The following BCAS3 variants were observed in gnomAD, a reference collection of about 807,000 sequenced individuals.
BCAS3 encodes the protein BCAS3 microtubule associated cell migration factor.
In BCAS3, 53 loss-of-function variants were observed where a neutral mutation model predicts 116.1. The observed-to-expected ratio is 0.46, with a 90% confidence interval of 0.37 to 0.57. BCAS3 has a LOEUF of 0.57. Among genes scored for constraint, BCAS3 ranks in the 20% least tolerant of loss-of-function variants. The pLI is 0.00. For missense variants in BCAS3, 917 were observed against 1,165.4 expected, an observed-to-expected ratio of 0.79 and a Z score of 3.10; for synonymous variants, 391 against 408.2, an observed-to-expected ratio of 0.96 and a Z score of 0.51.
At chr17:61,127,846 A>AT (rs1461778236) in intron 22 of BCAS3, among the ~76,000 whole-genome samples, 1 of 151,518 alleles carries the variant, frequency 6.6e-6, no homozygotes, top group Non-Finnish European at 1.5e-5. Context: ...GTTGGGTGAT[A>AT]TAAAAAAAAA....
At chr17:60,772,948 A>G (rs1055932143) in intron 6 of BCAS3, among the ~76,000 whole-genome samples, 1 of 152,200 alleles carries the variant, frequency 6.6e-6, no homozygotes, top group African/African-American at 2.4e-5. Flanking sequence ...AAATTTGAAA[A>G]TGAGTCTTCA....
At chr17:60,828,847 G>A (rs150170097) in intron 7 of BCAS3, among the ~76,000 whole-genome samples, 94 of 152,168 alleles carry the variant, frequency 6.2e-4, no homozygotes, top group Non-Finnish European at 1.2e-3. Flanking sequence ...CTTAACTGAG[G>A]GAAAAAAGGT....
intron 22 of BCAS3, among the ~76,000 whole-genome samples, chr17:61,291,939 G>A (rs80203993): frequency 0.061 from 9,285 of 152,170 alleles, 303 homozygotes; most frequent in African/African-American, 0.097. Flanking sequence ...GAAGAGGGTG[G>A]GAGGATTGCA....
At chr17:60,839,006 G>A (rs1034929720) in intron 7 of BCAS3, among the ~76,000 whole-genome samples, 2 of 152,128 alleles carry the variant, frequency 1.3e-5, no homozygotes, top group African/African-American at 4.8e-5. Context: ...TTTTAGTGGA[G>A]GAAGACTGTG....
intron 15 of BCAS3, among the ~76,000 whole-genome samples, chr17:61,014,563 C>CA (rs111782880): frequency 0.03 from 4,562 of 151,220 alleles, 235 homozygotes; most frequent in African/African-American, 0.1. Flanking sequence ...ACTACATACA[C>CA]AAAAATGAAC....
Position 61,171,468 on chromosome 17 carries a change from T to C in BCAS3, c.2425+86904T>C, listed in dbSNP as rs4968428. On this transcript the variant is annotated intron_variant, in intron 22 of 23. Transcript: ENST00000407086. This position sits in a 1 kb window ranked among gnomAD's most constrained non-coding sequence, Gnocchi z 4.1. ...TATCAAAAGTCATATTGAATGTAAATGGTCTAAACACTCAATTAAAAGACA... is the reference window on the plus strand; with the variant it reads ...TATCAAAAGTCATATTGAATGTAAACGGTCTAAACACTCAATTAAAAGACA... Among the ~76,000 whole-genome samples, 93,424 of 152,048 alleles carry C rather than the reference T, an allele frequency of 0.61. 34,318 individuals carry two copies. The highest frequency in any genetic ancestry group is 0.85 in the South Asian group (4,107 of 4,826).
intron 22 of BCAS3, among the ~76,000 whole-genome samples, chr17:61,329,339 TA>T (rs1302781744): frequency 2.8e-4 from 30 of 106,568 alleles, no homozygotes; most frequent in East Asian, 1.6e-3. Context: ...TTATTATTAT[TA>T]TTATTTTTTT....
chr17:61,010,801 G>A (rs755327789), intron 15 of BCAS3, among the ~76,000 whole-genome samples: 9 of 151,942 alleles, frequency 5.9e-5, no homozygotes, highest in Admixed American at 1.3e-4. Context: ...CGTGGGGACT[G>A]GTAAACCTCT....
chr17:60,976,554 G>C (rs2062392038), intron 14 of BCAS3, among the ~76,000 whole-genome samples: 1 of 152,120 alleles, frequency 6.6e-6, no homozygotes, highest in Non-Finnish European at 1.5e-5. Context: ...GTGAACAAAG[G>C]TCTCTGGTTT....
rs996415161 is a variant in BCAS3, at chr17:60,962,716, C to G, written c.1221+15364C>G. On this transcript the variant is annotated intron_variant, in intron 14 of 23. Transcript: ENST00000407086. The surrounding 1 kb of genome is among the most constrained non-coding windows in gnomAD (Gnocchi z 4.4). ...TGTTTCTTCACTTTGTTGATTATTT[C>G]TTTTGCTGTGTAGAAGCTTCTTAGC... 6.6e-6 allele frequency among the ~76,000 whole-genome samples: 1 copy of G among 152,032 alleles called. No homozygotes were observed. Among genetic ancestry groups the G allele is most frequent in the Non-Finnish European group, 1.5e-5 (1 of 67,980 alleles).
At chr17:61,373,988 G>A (rs755249059) in intron 23 of BCAS3, among the ~76,000 whole-genome samples, 7 of 149,706 alleles carry the variant, frequency 4.7e-5, no homozygotes, top group Non-Finnish European at 1.0e-4. Flanking sequence ...GCTAATTTTT[G>A]TATTTTTAGT....
chr17:61,018,016 C>G (rs2065585310), intron 16 of BCAS3, among the ~76,000 whole-genome samples: 1 of 152,132 alleles, frequency 6.6e-6, no homozygotes, highest in African/African-American at 2.4e-5. Flanking sequence ...GAACTGTTAT[C>G]AATTTGAGTT....
At chr17:60,988,315 T>G (rs2063288370) in intron 14 of BCAS3, among the ~76,000 whole-genome samples, 1 of 148,474 alleles carries the variant, frequency 6.7e-6, no homozygotes, top group African/African-American at 2.5e-5. Flanking sequence ...GTCTTTTCTT[T>G]TCTTTCCTTT....
At chr17:61,357,457 T>A (rs1367304468) in intron 22 of BCAS3, among the ~76,000 whole-genome samples, 4 of 149,354 alleles carry the variant, frequency 2.7e-5, no homozygotes, top group African/African-American at 9.7e-5. Context: ...TATTTTTTTT[T>A]TTTTTGAAAC....
intron 13 of BCAS3, among the ~76,000 whole-genome samples, chr17:60,934,031 T>TA (rs2059795662): frequency 6.6e-6 from 1 of 152,160 alleles, no homozygotes; most frequent in Non-Finnish European, 1.5e-5. Context: ...AGGGGTGACT[T>TA]ACGATTAGGT....
rs912663447 is a variant in BCAS3, at chr17:60,881,889, C to T, written c.661+7151C>T. Among the ~76,000 whole-genome samples, 20 of 146,880 alleles carry T rather than the reference C, an allele frequency of 1.4e-4. No homozygotes were observed. The East Asian group carries it at 2.2e-3, about 16-fold the overall frequency. On this transcript the variant is annotated intron_variant, in intron 9 of 23. Coordinates refer to ENST00000407086, the MANE Select transcript of BCAS3 (RefSeq NM_017679.5). Reference sequence around the variant, plus strand: ...AAGTCTTTGCTATTGTGAATAATGCCGCAATAAACATACGTGTGCATGTGT... The same window carrying T: ...AAGTCTTTGCTATTGTGAATAATGCTGCAATAAACATACGTGTGCATGTGT...
Position 61,286,206 on chromosome 17 carries a change from C to G in BCAS3, c.2426-82121C>G, listed in dbSNP as rs1465640687. Among the ~76,000 whole-genome samples, 1 of 151,658 alleles carries G rather than the reference C, an allele frequency of 6.6e-6. No individual in the cohort carries two copies. Among genetic ancestry groups the G allele is most frequent in the Non-Finnish European group, 1.5e-5 (1 of 67,900 alleles). ...CAAAGGGTAGATCTTTGCAACCATC[C>G]CTTGGGGAGCCTGCAGGGCGGGGTG... On this transcript the variant is annotated intron_variant, in intron 22 of 23. Transcript: ENST00000407086. This position sits in a 1 kb window ranked among gnomAD's most constrained non-coding sequence, Gnocchi z 4.8.
intron 7 of BCAS3, among the ~76,000 whole-genome samples, chr17:60,856,664 C>T (rs1478271176): frequency 6.6e-6 from 1 of 151,942 alleles, no homozygotes; most frequent in Admixed American, 6.6e-5. Flanking sequence ...GCACTCCAGC[C>T]TGGGCGATAC....
rs138660616 is a variant in BCAS3, at chr17:61,235,096, G to A, written c.2426-133231G>A. Among the ~76,000 whole-genome samples the A allele has an allele frequency of 0.011, 1,703 of 152,152 alleles. 18 individuals are homozygous for A. The highest frequency in any genetic ancestry group is 0.017 in the Non-Finnish European group (1,186 of 68,000). On this transcript the variant is annotated intron_variant, in intron 22 of 23. Transcript: ENST00000407086. This position sits in a 1 kb window ranked among gnomAD's most constrained non-coding sequence, Gnocchi z 5.0. ...GAGACAGGGTTTCACCACATTGGCC[G>A]GGCTGGTCTCAAACTCCTGACCTAA...
Sources: gnomAD v4.1 joint callset for allele counts (sites outside exome capture counted in the v4.1 genomes callset) on GRCh38, gnomAD v4.1.1 for gene constraint, Gnocchi (gnomAD v3.1) non-coding constraint, MANE v1.5 for transcripts, NCBI Gene and HGNC (gene_info 2026-07-23, HGNC 2026-07-21) for gene names.